The following PLEKHS1 variants were observed in gnomAD, a reference collection of about 807,000 sequenced individuals.
PLEKHS1 encodes pleckstrin homology domain containing S1, also known as pleckstrin homology domain-containing family S member 1.
In PLEKHS1, 55 loss-of-function variants were observed where a neutral mutation model predicts 51.0. The ratio of observed to expected loss-of-function variants is 1.08; its 90% CI spans 0.87 to 1.35. The LOEUF (loss-of-function observed/expected upper bound fraction) is 1.35, where lower values mean the gene tolerates loss of function less well. Ranked by LOEUF, PLEKHS1 falls within the 40% of genes most tolerant of loss-of-function variation. The pLI is 0.00. For missense variants in PLEKHS1, 398 were observed against 423.0 expected (o/e 0.94, Z 0.52); for synonymous variants, 153 against 144.8 (o/e 1.06, Z -0.41).
chr10:113,767,756 G>A (rs971794119), intron 5 of PLEKHS1, among the ~76,000 whole-genome samples: 2 of 152,052 alleles, frequency 1.3e-5, no homozygotes, highest in Admixed American at 6.6e-5. Flanking sequence ...TTAAGGTATG[G>A]GTAGAGCCAT....
At chr10:113,765,884 A>C (rs1198830448) in intron 2 of PLEKHS1, among the ~76,000 whole-genome samples, 1 of 152,240 alleles carries the variant, frequency 6.6e-6, no homozygotes, top group Non-Finnish European at 1.5e-5. Context: ...AAACAGACTT[A>C]AGATTTGGTA....
intron 2 of PLEKHS1, among the ~76,000 whole-genome samples, chr10:113,756,107 T>A (rs1854095627): frequency 6.6e-6 from 1 of 152,204 alleles, no homozygotes; most frequent in Admixed American, 6.5e-5. Context: ...CCAATTCAAC[T>A]CAAAAATGTT....
rs77165326 is a variant in PLEKHS1 at position 113,755,084 on chromosome 10, G to A, written c.-19-175G>A. On this transcript the variant is annotated intron_variant, in intron 1 of 11. Coordinates refer to ENST00000361048, the Ensembl canonical transcript of PLEKHS1. Reference sequence around the variant, plus strand: ...ATGTGTCCCCGTTACTGCAGCTACCGTCAGCCTCAGGAACAGGGAGGGAAA... The same window carrying A: ...ATGTGTCCCCGTTACTGCAGCTACCATCAGCCTCAGGAACAGGGAGGGAAA... Among the ~76,000 whole-genome samples, 790 of 152,280 alleles carry A rather than the reference G, an allele frequency of 5.2e-3. 1 individual carries two copies. Among genetic ancestry groups the A allele is most frequent in the Non-Finnish European group, 8.0e-3 (544 of 68,014 alleles).
chr10:113,766,688 A>G (rs764982919), exon 4 of PLEKHS1: 7 of 1,611,822 alleles, frequency 4.3e-6, no homozygotes, highest in East Asian at 2.2e-5. Flanking sequence ...TATAAAGACC[A>G]TCATCACCGA....
chr10:113,761,338 T>C (rs1843917873), intron 2 of PLEKHS1, among the ~76,000 whole-genome samples: 1 of 152,174 alleles, frequency 6.6e-6, no homozygotes. Flanking sequence ...GGGATTTTAA[T>C]AGAGATTGCA....
chr10:113,766,383 C>A (rs760143019), intron 2 of PLEKHS1, 28 bp from the exon 3 acceptor site: 2 of 1,380,214 alleles, frequency 1.4e-6, no homozygotes, highest in East Asian at 2.3e-5. Flanking sequence ...TTATGAGGAA[C>A]AAACTGAGTT....
chr10:113,766,392 T>G lies in PLEKHS1; in HGVS notation c.29-19T>G. On this transcript the variant is annotated intron_variant, in intron 2 of 11. Transcript: ENST00000361048. ...AGAAATTTATGAGGAACAAACTGAG[T>G]TCTGTTCACTTTTATTAGGCAAACA... is the stretch of plus-strand genomic sequence containing the variant. The G allele has an allele frequency of 1.4e-6, 2 of 1,428,424 alleles. No individual in the cohort carries two copies. Among genetic ancestry groups the G allele is most frequent in the Non-Finnish European group, 2.0e-6 (2 of 1,024,058 alleles). 88.5% of individuals were successfully genotyped at this position (1,428,424 alleles called of 1,614,324 possible).
chr10:113,771,777 A>T (rs908596144), intron 7 of PLEKHS1, among the ~76,000 whole-genome samples, 193 bp from the exon 8 acceptor site: 2 of 151,844 alleles, frequency 1.3e-5, no homozygotes, highest in Non-Finnish European at 2.9e-5. Flanking sequence ...TGATGTGCTT[A>T]TATGTTTTCA....
chr10:113,753,715 T>C (rs913159139), intron 1 of PLEKHS1, among the ~76,000 whole-genome samples: 4 of 152,190 alleles, frequency 2.6e-5, no homozygotes, highest in African/African-American at 9.7e-5. Flanking sequence ...TTCAAAGAGC[T>C]TCCAAATGCT....
At chr10:113,781,682 G>A (rs1435668540) in exon 12 of PLEKHS1, 2 of 51,984 alleles carry the variant, frequency 3.8e-5, no homozygotes, top group South Asian at 9.4e-4. Context: ...TCCCAACACC[G>A]CCTTCCCAAC....
intron 11 of PLEKHS1, 105 bp from the exon 13 acceptor site, chr10:113,780,497 T>G (rs981944535): frequency 2.7e-6 from 3 of 1,097,116 alleles, no homozygotes; most frequent in Non-Finnish European, 4.0e-6. Flanking sequence ...ACTGCAGGAC[T>G]TTCTTCAATA....
intron 2 of PLEKHS1, among the ~76,000 whole-genome samples, chr10:113,761,604 G>C (rs1273870981): frequency 1.3e-5 from 2 of 151,954 alleles, no homozygotes; most frequent in Admixed American, 6.6e-5. Flanking sequence ...TAGAAATATA[G>C]CTAATTTTTG....
chr10:113,776,164 A>T (rs891930399), intron 11 of PLEKHS1, among the ~76,000 whole-genome samples: 5 of 152,196 alleles, frequency 3.3e-5, no homozygotes, highest in Admixed American at 2.6e-4. Context: ...TGGCCCAAGG[A>T]CATCATTTCC....
intron 2 of PLEKHS1, among the ~76,000 whole-genome samples, chr10:113,762,352 T>A (rs1273407264): frequency 6.7e-6 from 1 of 148,750 alleles, no homozygotes; most frequent in Non-Finnish European, 1.5e-5. Context: ...CTCTATTGAC[T>A]TTAGATTTGT....
intron 2 of PLEKHS1, 106 bp downstream of exon 2, chr10:113,755,411 T>G: frequency 4.8e-6 from 7 of 1,444,176 alleles, no homozygotes; most frequent in Non-Finnish European, 6.4e-6. Flanking sequence ...TTTGTGTATG[T>G]TGTTTTGTTT....
intron 11 of PLEKHS1, among the ~76,000 whole-genome samples, chr10:113,778,960 T>G (rs1206605568): frequency 6.6e-6 from 1 of 152,164 alleles, no homozygotes; most frequent in African/African-American, 2.4e-5. Context: ...ATCTGCTGGG[T>G]GCTGTATACT....
exon 7 of PLEKHS1, chr10:113,769,841 C>T: frequency 5.0e-6 from 8 of 1,614,034 alleles, no homozygotes; most frequent in Non-Finnish European, 5.9e-6. Flanking sequence ...TCTCCTTGGC[C>T]CTTCCAGCAC....
rs140767409 is a variant in PLEKHS1 at position 113,774,411 on chromosome 10, T to C, written c.779+78T>C. 54 of 861,924 alleles carry C rather than the reference T, an allele frequency of 6.3e-5. No individual in the cohort carries two copies. The African/African-American group carries it at 8.4e-4, about 13-fold the overall frequency. 53.4% of individuals were successfully genotyped at this position (861,924 alleles called of 1,614,324 possible). ...AACAATGATTGTCAGTTCATTTCAATAGTTGATAAACTGATGCCAAACATT... is the reference window on the plus strand; with the variant it reads ...AACAATGATTGTCAGTTCATTTCAACAGTTGATAAACTGATGCCAAACATT... On this transcript the variant is annotated intron_variant, in intron 9 of 11. Transcript: ENST00000361048.
intron 7 of PLEKHS1, 145 bp from the exon 8 acceptor site, chr10:113,771,825 G>A (rs1844425255): frequency 1.1e-6 from 1 of 938,068 alleles, no homozygotes; most frequent in Non-Finnish European, 1.5e-6. Context: ...GCAAGTTCAA[G>A]TTGTGTGAGC....
Sources: allele counts gnomAD v4.1 joint callset (sites outside exome capture counted in the v4.1 genomes callset), GRCh38; gene constraint gnomAD v4.1.1; transcripts MANE v1.5; gene names NCBI Gene and HGNC (gene_info 2026-07-23, HGNC 2026-07-21).